The following NT5C3B variants were observed in gnomAD, a reference collection of about 807,000 sequenced individuals.
NT5C3B encodes the protein 7-methylguanosine phosphate-specific 5'-nucleotidase.
NT5C3B carries 28 observed loss-of-function variants against 32.5 expected under a neutral mutation model. The ratio of observed to expected loss-of-function variants is 0.86; its 90% confidence interval spans 0.64 to 1.18. The LOEUF is 1.18. Ranked by LOEUF, NT5C3B falls within the 50% of genes most tolerant of loss-of-function variation. The pLI, the probability that NT5C3B is intolerant of heterozygous loss-of-function variation, is 0.00. For missense variants in NT5C3B, 317 were observed against 322.0 expected, an observed-to-expected ratio of 0.98 and a Z score of 0.12; for synonymous variants, 138 against 118.0, an observed-to-expected ratio of 1.17 and a Z score of -1.10.
At position 41,828,786 on chromosome 17, in the gene NT5C3B, T is replaced by C. The variant is rs2048005084; in HGVS notation, c.567+4A>G. On this transcript the variant is annotated splice_donor_region_variant and intron_variant, in intron 7 of 8. Transcript: ENST00000435506. The stretch of plus-strand genomic sequence containing the variant: ...TTTCCCAGCCCAAACAGGATTTGGC[T>C]CACATCTTCATTAAAATCCATGTAG... 1.2e-6 allele frequency: 2 copies of C among 1,612,174 alleles called. No homozygotes were observed. Among genetic ancestry groups the C allele is most frequent in the Non-Finnish European group, 1.7e-6 (2 of 1,178,764 alleles).
intron 4 of NT5C3B, among the ~76,000 whole-genome samples, chr17:41,834,634 G>A (rs1438764990): frequency 6.6e-6 from 1 of 151,998 alleles, no homozygotes; most frequent in Non-Finnish European, 1.5e-5. Context: ...TGTAGTTCCA[G>A]CTACTCAGTA....
chr17:41,828,706 G>A lies in NT5C3B; in HGVS notation c.567+84C>T, dbSNP rs782665368. 2.3e-6 allele frequency: 3 copies of A among 1,278,414 alleles called. No homozygotes were observed. The South Asian group carries it at 4.1e-5, about 17-fold the overall frequency. 79.2% of individuals were successfully genotyped at this position (1,278,414 alleles called of 1,614,324 possible). A position where few individuals can be genotyped will look rare whatever the true frequency, so the allele number is the denominator to read the frequency against. ...GTGGCTTCCCTCCCCTTCTTCCCCA[G>A]GTTAGGGTTCATGCAGAGTTAACTG... On this transcript the variant is annotated intron_variant, in intron 7 of 8. Coordinates refer to ENST00000435506, the MANE Select transcript of NT5C3B (RefSeq NM_052935.5).
intron 5 of NT5C3B, 113 bp from the exon 6 acceptor site, chr17:41,831,003 T>C: frequency 1.4e-6 from 1 of 733,858 alleles, no homozygotes; most frequent in East Asian, 2.5e-5. Flanking sequence ...AGAGGCCTCA[T>C]CCTTACGTTA....
intron 4 of NT5C3B, among the ~76,000 whole-genome samples, chr17:41,833,010 C>T (rs1454526176): frequency 6.6e-6 from 1 of 152,186 alleles, no homozygotes; most frequent in Non-Finnish European, 1.5e-5. Flanking sequence ...TCAATACACT[C>T]ACATTTTTAC....
chr17:41,834,618 C>T (rs2048112726), intron 4 of NT5C3B, among the ~76,000 whole-genome samples: 1 of 152,090 alleles, frequency 6.6e-6, no homozygotes, highest in Admixed American at 6.6e-5. Flanking sequence ...TGTAATGTTA[C>T]ATGCTTGTAG....
At chr17:41,835,711 C>G in intron 2 of NT5C3B, 148 bp downstream of exon 2, 1 of 861,798 alleles carries the variant, frequency 1.2e-6, no homozygotes, top group Non-Finnish European at 1.9e-6. Context: ...GACAGGCGAA[C>G]CAACCCGCTC....
chr17:41,827,351 G>A (rs1362575982), intron 8 of NT5C3B, 75 bp downstream of exon 8: 2 of 731,054 alleles, frequency 2.7e-6, no homozygotes, highest in Non-Finnish European at 4.8e-6. Context: ...AAGAGAATGT[G>A]TTCAAAGGCA....
At chr17:41,832,241 G>T (rs1200592155) in intron 5 of NT5C3B, 151 bp downstream of exon 5, 3 of 564,834 alleles carry the variant, frequency 5.3e-6, no homozygotes, top group Non-Finnish European at 6.3e-6. Context: ...CATCTGAAAA[G>T]TTGGTTCCAA....
chr17:41,825,474 A>C lies in NT5C3B; in HGVS notation c.*49T>G, dbSNP rs1555617979. ...GTTCACGGGGGAGCAGACTCTGGGGAGGCGCCCCTCCTCACCACGGCCTGC... is the reference window on the plus strand; with the variant it reads ...GTTCACGGGGGAGCAGACTCTGGGGCGGCGCCCCTCCTCACCACGGCCTGC... On this transcript the variant is annotated 3_prime_UTR_variant, in exon 9 of 9. Transcript: ENST00000435506. 1.2e-6 allele frequency: 1 copy of C among 841,864 alleles called. No individual in the cohort carries two copies. The highest frequency in any genetic ancestry group is 2.1e-6 in the Non-Finnish European group (1 of 486,422). 52.1% of individuals were successfully genotyped at this position (841,864 alleles called of 1,614,324 possible). A position where few individuals can be genotyped will look rare whatever the true frequency, so the allele number is the denominator to read the frequency against.
intron 8 of NT5C3B, among the ~76,000 whole-genome samples, chr17:41,826,556 C>T (rs2047967521): frequency 6.6e-6 from 1 of 152,022 alleles, no homozygotes; most frequent in African/African-American, 2.4e-5. Flanking sequence ...TGGAGCCTCG[C>T]TCTGTCACCC....
At position 41,831,249 on chromosome 17, in the gene NT5C3B, G is replaced by A. The variant is rs7220686; in HGVS notation, c.315-359C>T. Among the ~76,000 whole-genome samples, 1,453 of 151,210 alleles carry A rather than the reference G, an allele frequency of 9.6e-3. 24 individuals carry two copies. Among genetic ancestry groups the A allele is most frequent in the African/African-American group, 0.034 (1,391 of 41,150 alleles). On this transcript the variant is annotated intron_variant, in intron 5 of 8. Transcript: ENST00000435506. Reference sequence around the variant, plus strand: ...CTGGAGAATCACTTGAACCCAGGAGGGGGAGGTTGCAGTGAGCCAAGATCG... The same window carrying A: ...CTGGAGAATCACTTGAACCCAGGAGAGGGAGGTTGCAGTGAGCCAAGATCG...
At chr17:41,831,319 C>CAAAAA (rs71155172) in intron 5 of NT5C3B, among the ~76,000 whole-genome samples, 1 of 110,136 alleles carries the variant, frequency 9.1e-6, no homozygotes. Context: ...GACTCCATCT[C>CAAAAA]AAAAAAAAAA....
chr17:41,827,155 A>C (rs2047980519), intron 8 of NT5C3B, among the ~76,000 whole-genome samples: 1 of 151,766 alleles, frequency 6.6e-6, no homozygotes, highest in Non-Finnish European at 1.5e-5. Flanking sequence ...AAATACAAAA[A>C]ATCAGCCGGG....
chr17:41,835,525 C>A (rs1170637567), intron 2 of NT5C3B: 1 of 685,058 alleles, frequency 1.5e-6, no homozygotes, highest in African/African-American at 1.8e-5. Flanking sequence ...CTGACTCCTT[C>A]AATATCAGGT....
chr17:41,827,539 G>A lies in NT5C3B; in HGVS notation c.655C>T (p.Leu219Phe). 1.1e-6 allele frequency: 1 copy of A among 872,750 alleles called. No homozygotes were observed. The highest frequency in any genetic ancestry group is 2.0e-6 in the Non-Finnish European group (1 of 501,500). The allele number at this position is 872,750 out of a possible 1,614,324, so 54.1% of individuals were successfully genotyped here. A position where few individuals can be genotyped will look rare whatever the true frequency, so the allele number is the denominator to read the frequency against. Residue 219 changes from leucine to phenylalanine, a missense_variant, in exon 8 of 9, where the codon CTT (leucine) becomes TTT (phenylalanine). Leu to Phe is a conservative substitution (Grantham distance 22). Transcript: ENST00000435506. ...AGGATGACATTGGTTTTGCCCTCAA[G>A]TTGCTGGAAGTAACCAGAGTTCTCA... is the stretch of plus-strand genomic sequence containing the variant. The part of the protein sequence containing the change: ...ACENSGYFQQ[L>F]EGKTNVILLG...
At position 41,835,890 on chromosome 17, in the gene NT5C3B, G is replaced by A. The variant is rs782291798; in HGVS notation, c.80C>T (p.Ala27Val). ...QPGRVQEIVG[A>V]LRKGGGDRLQ... is the part of the protein sequence containing the mutation. ...CCGGTCTCCGCCGCCCTTGCGGAGG[G>A]CGCCCACGATCTCCTGCACCCGCCC... Residue 27 changes from alanine (A) to valine (V), a missense_variant, in exon 2 of 9, where the codon GCC becomes GTC. Ala to Val is a moderately conservative substitution (Grantham distance 64, BLOSUM62 0). Coordinates refer to ENST00000435506, the MANE Select transcript of NT5C3B (RefSeq NM_052935.5). The A allele has an allele frequency of 6.2e-6, 10 of 1,609,172 alleles. No homozygotes were observed. The highest frequency in any genetic ancestry group is 5.5e-5 in the South Asian group (5 of 90,452).
chr17:41,834,629 T>G (rs1306232527), intron 4 of NT5C3B, among the ~76,000 whole-genome samples: 1 of 151,996 alleles, frequency 6.6e-6, no homozygotes, highest in East Asian at 1.9e-4. Context: ...ATGCTTGTAG[T>G]TCCAGCTACT....
intron 8 of NT5C3B, among the ~76,000 whole-genome samples, chr17:41,826,940 C>T (rs999983968): frequency 3.4e-5 from 5 of 147,204 alleles, no homozygotes; most frequent in Admixed American, 6.9e-5. Context: ...GTGGAAGTTG[C>T]AGTAAGCCAA....
At position 41,835,958 on chromosome 17, in the gene NT5C3B, C is replaced by G. The variant is rs1555619926; in HGVS notation, c.13-1G>C. On this transcript the variant is annotated splice_acceptor_variant, in intron 1 of 8. Coordinates refer to ENST00000435506, the MANE Select transcript of NT5C3B (RefSeq NM_052935.5). LOFTEE classifies it high-confidence loss of function. ...CCGTGGCCTTCATCAGGGTGCTCACCTGTCCCGAGACCCGAGAGAACCACT... is the reference window on the plus strand; with the variant it reads ...CCGTGGCCTTCATCAGGGTGCTCACGTGTCCCGAGACCCGAGAGAACCACT... 1.9e-6 allele frequency: 3 copies of G among 1,582,422 alleles called. No individual in the cohort carries two copies. Among genetic ancestry groups the G allele is most frequent in the South Asian group, 2.3e-5 (2 of 87,048 alleles).
Sources: gnomAD v4.1 joint callset for allele counts (sites outside exome capture counted in the v4.1 genomes callset) on GRCh38, gnomAD v4.1.1 for gene constraint, MANE v1.5 for transcripts, NCBI Gene and HGNC (gene_info 2026-07-23, HGNC 2026-07-21) for gene names.